SUN1: variants seen among roughly 807,000 people sequenced by gnomAD.
The protein encoded by SUN1 is SUN domain-containing protein 1.
In SUN1, 61 loss-of-function variants were observed where a neutral mutation model predicts 103.2. That is an observed-to-expected ratio of 0.59 (90% CI 0.48 to 0.73). The LOEUF (loss-of-function observed/expected upper bound fraction) is 0.73, where lower values mean the gene tolerates loss of function less well. SUN1 is among the 30% of genes least tolerant of loss of function. The probability of loss-of-function intolerance (pLI) is 0.00; values close to 1 mark genes in which losing one functional copy is unlikely to be tolerated. For missense variants in SUN1, 1,052 were observed against 1,034.6 expected, an observed-to-expected ratio of 1.02 and a Z score of -0.23; for synonymous variants, 490 against 425.7, an observed-to-expected ratio of 1.15 and a Z score of -1.86.
intron 1 of SUN1, among the ~76,000 whole-genome samples, chr7:835,647 A>T (rs1802322866): frequency 6.6e-6 from 1 of 152,176 alleles, no homozygotes; most frequent in African/African-American, 2.4e-5. Flanking sequence ...TCTGTGACAG[A>T]TGGTGTTACG....
chr7:835,996 G>A (rs971735665), intron 1 of SUN1, among the ~76,000 whole-genome samples: 13 of 152,372 alleles, frequency 8.5e-5, no homozygotes, highest in South Asian at 4.1e-4. Context: ...GGAAGAAGGG[G>A]CAACTCAGCC....
chr7:840,422 T>TGCCGCGCCACGCTCC (rs1293884644), intron 2 of SUN1, among the ~76,000 whole-genome samples: 7 of 152,202 alleles, frequency 4.6e-5, no homozygotes, highest in African/African-American at 1.7e-4. Flanking sequence ...CGCCGCGCTC[T>TGCCGCGCCACGCTCC]GCCGCGCCAC....
chr7:853,225 G>A (rs550613920), intron 9 of SUN1, 184 bp from the exon 10 acceptor site: 19 of 764,454 alleles, frequency 2.5e-5, no homozygotes, highest in South Asian at 1.5e-4. Flanking sequence ...AAGAAAATGA[G>A]AAGCACCCAT....
chr7:825,508 G>C (rs1249857076), intron 1 of SUN1, among the ~76,000 whole-genome samples: 2 of 152,224 alleles, frequency 1.3e-5, no homozygotes, highest in Non-Finnish European at 2.9e-5. Context: ...AGTACTAAAA[G>C]CGTGTTCACT....
chr7:845,750 C>T (rs1253202076), intron 5 of SUN1, among the ~76,000 whole-genome samples: 3 of 152,178 alleles, frequency 2.0e-5, no homozygotes, highest in Non-Finnish European at 4.4e-5. Context: ...AAAATAAGTC[C>T]TTTTCCCCCA....
chr7:864,404 AT>A (rs1188746755), intron 15 of SUN1, among the ~76,000 whole-genome samples: 3 of 151,828 alleles, frequency 2.0e-5, no homozygotes, highest in East Asian at 1.9e-4. Context: ...GCAAAAAAAA[AT>A]TATCCGGGTG....
chr7:823,202 A>G (rs1788066193), intron 1 of SUN1, among the ~76,000 whole-genome samples: 1 of 152,234 alleles, frequency 6.6e-6, no homozygotes. Context: ...GCCGAAGGTG[A>G]ATGAGGCACA....
chr7:868,994 C>T (rs1282715797), intron 16 of SUN1: 4 of 335,078 alleles, frequency 1.2e-5, no homozygotes, highest in South Asian at 7.2e-5. Context: ...GATGGGGGGA[C>T]AGTGCTGGTT....
Position 851,463 on chromosome 7 carries a change from G to A in SUN1, c.738G>A (p.Trp246Ter). ...CCAGGACGGCGTGGTCGGCCCTTTG[G>A]CTGGCCGTGGTTGCTCCAGGTGGCT... ...AVSRTAWSAL[W>*]LAVVAPGKAA... Residue 246 changes from tryptophan (W) to a stop codon, truncating the protein, a stop_gained, in exon 6 of 19, where the codon TGG becomes TGA. Transcript: ENST00000401592. LOFTEE classifies it high-confidence loss of function. 1 of 1,607,720 alleles carries A rather than the reference G, an allele frequency of 6.2e-7. No individual in the cohort carries two copies. Among genetic ancestry groups the A allele is most frequent in the Non-Finnish European group, 8.5e-7 (1 of 1,177,108 alleles).
At chr7:849,503 T>C (rs748999212) in intron 5 of SUN1, 1 of 1,360,824 alleles carries the variant, frequency 7.3e-7, no homozygotes, top group East Asian at 4.5e-5. Context: ...CCTAAGCCTC[T>C]TTTGCGTGTG....
Position 872,476 on chromosome 7 carries a change from G to C in SUN1, c.2155G>C (p.Glu719Gln), listed in dbSNP as rs1362649662. 1.2e-6 allele frequency: 2 copies of C among 1,601,150 alleles called. No individual in the cohort carries two copies. Among genetic ancestry groups the C allele is most frequent in the East Asian group, 4.5e-5 (2 of 44,622 alleles). The change falls in exon 18 of 19, where the codon GAA (glutamate) becomes CAA (glutamine). Residue 719 changes from glutamate (E) to glutamine (Q), a missense_variant. Around this residue, in one of 2 missense-constraint regions of SUN1, gnomAD observed 206 missense variants for 260.1 expected, o/e 0.79. Transcript: ENST00000401592. ...APKDFAVYGL[E>Q]NEYQEEGQLL... ...TGTATGGTCTTGTTTTCAGGGATTA[G>C]AAAATGAGTATCAGGAAGAAGGGCA...
chr7:862,572 A>C (rs1286896049), intron 15 of SUN1, among the ~76,000 whole-genome samples: 1 of 152,214 alleles, frequency 6.6e-6, no homozygotes, highest in South Asian at 2.1e-4. Flanking sequence ...TATATTTTGA[A>C]ATTCAGTGAT....
intron 1 of SUN1, among the ~76,000 whole-genome samples, chr7:824,297 C>T (rs1789229540): frequency 6.6e-6 from 1 of 152,180 alleles, no homozygotes; most frequent in Non-Finnish European, 1.5e-5. Context: ...GCCTCTGGGT[C>T]CAGACCCAGC....
intron 1 of SUN1, among the ~76,000 whole-genome samples, chr7:823,385 T>C (rs1008433732): frequency 4.6e-5 from 7 of 151,948 alleles, no homozygotes; most frequent in African/African-American, 1.4e-4. Flanking sequence ...GAACATTAAG[T>C]GTGAGGAGAA....
At position 861,418 on chromosome 7, in the gene SUN1, T is replaced by A; in HGVS notation, c.1818T>A (p.Tyr606Ter). The change falls in exon 15 of 19, where the codon TAT becomes TAA. Residue 606 changes from tyrosine (Y) to a stop codon, truncating the protein, a stop_gained. Coordinates refer to ENST00000401592, the MANE Select transcript of SUN1 (RefSeq NM_001130965.3). LOFTEE classifies it high-confidence loss of function. Reference protein sequence around the residue: ...RAIVNSALKLYSQDKTGMVDF... With the variant: ...RAIVNSALKL ...TCGTGAACAGCGCCTTGAAGCTGTATTCCCAAGATAAGACCGGGATGGTGG... is the reference window on the plus strand; with the variant it reads ...TCGTGAACAGCGCCTTGAAGCTGTAATCCCAAGATAAGACCGGGATGGTGG... The A allele has an allele frequency of 6.2e-7, 1 of 1,614,232 alleles. No individual in the cohort carries two copies. The highest frequency in any genetic ancestry group is 8.5e-7 in the Non-Finnish European group (1 of 1,180,040).
At chr7:842,256 G>A (rs1396403379) in intron 3 of SUN1, 126 bp downstream of exon 3, 9 of 1,053,656 alleles carry the variant, frequency 8.5e-6, no homozygotes, top group Non-Finnish European at 1.2e-5. Context: ...GAGGGAGGCT[G>A]TGGCCACATT....
At chr7:871,295 G>T (rs371900433) in intron 17 of SUN1, among the ~76,000 whole-genome samples, 23 of 152,134 alleles carry the variant, frequency 1.5e-4, no homozygotes, top group African/African-American at 5.3e-4. Context: ...GAGCTTTTTA[G>T]TATGTAAATA....
chr7:823,162 C>T (rs1217009379), intron 1 of SUN1, among the ~76,000 whole-genome samples: 2 of 152,188 alleles, frequency 1.3e-5, no homozygotes, highest in African/African-American at 2.4e-5. Context: ...TCACGTGCAG[C>T]GTTCACTTGT....
At chr7:865,605 A>G (rs1835836741) in intron 15 of SUN1, among the ~76,000 whole-genome samples, 1 of 152,306 alleles carries the variant, frequency 6.6e-6, no homozygotes, top group South Asian at 2.1e-4. Flanking sequence ...GGGTGCACCC[A>G]GGAGTGGCAT....
Sources: gnomAD v4.1 joint callset for allele counts (sites outside exome capture counted in the v4.1 genomes callset) on GRCh38, gnomAD v4.1.1 for gene constraint, gnomAD v4.1.1 regional missense constraint, MANE v1.5 for transcripts, NCBI Gene and HGNC (gene_info 2026-07-23, HGNC 2026-07-21) for gene names.